Variants in CALB1 observed in about 807,000 individuals in gnomAD.
CALB1 encodes the protein calbindin 1.
In CALB1, 16 loss-of-function variants were observed where a neutral mutation model predicts 46.7. That is an observed-to-expected ratio of 0.34 (90% confidence interval 0.23 to 0.52). CALB1 has a LOEUF of 0.52. Among genes scored for constraint, CALB1 ranks in the 20% least tolerant of loss-of-function variants. CALB1 has a pLI of 0.95. For missense variants in CALB1, 224 were observed against 300.3 expected, an observed-to-expected ratio of 0.75 and a Z score of 1.88; for synonymous variants, 90 against 112.8, an observed-to-expected ratio of 0.80 and a Z score of 1.28.
Position 90,063,336 on chromosome 8 carries a change from CATT to C in CALB1, c.507-19_507-17del. The C allele has an allele frequency of 6.3e-7, 1 of 1,585,744 alleles. No homozygotes were observed. On this transcript the variant is annotated splice_polypyrimidine_tract_variant and intron_variant, in intron 7 of 10. Transcript: ENST00000265431. ...TGGTAGTAACCTTTTGAGAGAAAAACATTATATTAATATATTACATTTTTTGAA... is the reference window on the plus strand; with the variant it reads ...TGGTAGTAACCTTTTGAGAGAAAAACATATTAATATATTACATTTTTTGAA...
intron 3 of CALB1, among the ~76,000 whole-genome samples, chr8:90,073,458 C>T (rs193018296): frequency 1.3e-5 from 2 of 152,314 alleles, no homozygotes; most frequent in East Asian, 1.9e-4. Context: ...ATCCCAGCTT[C>T]AGAACTCACT....
At chr8:90,068,752 G>C (rs1267229755) in intron 5 of CALB1, among the ~76,000 whole-genome samples, 1 of 152,018 alleles carries the variant, frequency 6.6e-6, no homozygotes, top group Non-Finnish European at 1.5e-5. Context: ...CTATCTGTCT[G>C]TCTGTCTTAT....
At chr8:90,080,171 C>T (rs950720235) in intron 2 of CALB1, among the ~76,000 whole-genome samples, 1 of 151,852 alleles carries the variant, frequency 6.6e-6, no homozygotes, top group South Asian at 2.1e-4. Flanking sequence ...AATCCTATAA[C>T]TATGCTTGTT....
At chr8:90,068,122 T>C (rs1183964625) in intron 5 of CALB1, among the ~76,000 whole-genome samples, 3 of 152,148 alleles carry the variant, frequency 2.0e-5, no homozygotes, top group African/African-American at 7.2e-5. Context: ...GGCTAGTAAA[T>C]TGAGTTCATG....
At chr8:90,074,888 T>A (rs1277505199) in intron 3 of CALB1, among the ~76,000 whole-genome samples, 2 of 152,222 alleles carry the variant, frequency 1.3e-5, no homozygotes, top group Non-Finnish European at 2.9e-5. Context: ...CTATATTTCA[T>A]GTGAACACCA....
intron 5 of CALB1, among the ~76,000 whole-genome samples, chr8:90,067,781 C>T (rs1310887054): frequency 6.6e-6 from 1 of 152,112 alleles, no homozygotes; most frequent in Non-Finnish European, 1.5e-5. Context: ...GGGAATCATT[C>T]TTAGCATTAT....
At chr8:90,062,918 C>G in intron 9 of CALB1, 182 bp downstream of exon 9, 1 of 498,268 alleles carries the variant, frequency 2.0e-6, no homozygotes, top group South Asian at 2.9e-5. Context: ...GGAGAAATGA[C>G]GAGTTACTCA....
chr8:90,069,326 G>A (rs998789800), intron 3 of CALB1, 89 bp from the exon 4 acceptor site: 7 of 959,862 alleles, frequency 7.3e-6, no homozygotes, highest in Admixed American at 5.7e-5. Flanking sequence ...TTTCTTCAAC[G>A]TGTTCCCTCA....
intron 6 of CALB1, 120 bp from the exon 7 acceptor site, chr8:90,063,581 T>C (rs1563674355): frequency 4.0e-6 from 3 of 757,266 alleles, no homozygotes; most frequent in Non-Finnish European, 4.3e-6. Context: ...AGTAAAATTT[T>C]AAAAACTAGC....
intron 9 of CALB1, chr8:90,062,475 C>T (rs1305514220): frequency 6.6e-6 from 1 of 151,892 alleles, no homozygotes; most frequent in Non-Finnish European, 1.5e-5. Context: ...ATAAAGAACT[C>T]CTGTAACTCA....
intron 1 of CALB1, 21 bp from the exon 2 acceptor site, chr8:90,082,123 C>G: frequency 6.2e-7 from 1 of 1,601,940 alleles, no homozygotes; most frequent in Non-Finnish European, 8.5e-7. Flanking sequence ...AAAGAGGCAC[C>G]CAGGTGTCAG....
intron 3 of CALB1, among the ~76,000 whole-genome samples, chr8:90,073,473 G>A (rs1005996816): frequency 1.3e-5 from 2 of 152,086 alleles, no homozygotes; most frequent in Admixed American, 1.3e-4. Context: ...CTCACTGTAG[G>A]GTCAGCTGAT....
At chr8:90,063,828 C>T in intron 6 of CALB1, 2 of 175,720 alleles carry the variant, frequency 1.1e-5, no homozygotes, top group South Asian at 3.0e-4. Flanking sequence ...TTTATTTCAC[C>T]CTTTTAGAGC....
intron 1 of CALB1, 80 bp from the exon 2 acceptor site, chr8:90,082,182 T>C: frequency 1.6e-6 from 2 of 1,284,728 alleles, no homozygotes; most frequent in Non-Finnish European, 2.2e-6. Flanking sequence ...GACAGTTATC[T>C]TTCTGGCGAC....
At chr8:90,075,655 C>G (rs1814610571) in intron 3 of CALB1, among the ~76,000 whole-genome samples, 1 of 152,094 alleles carries the variant, frequency 6.6e-6, no homozygotes, top group Admixed American at 6.6e-5. Flanking sequence ...ACATTTCCTA[C>G]TCTCCCTTTC....
intron 5 of CALB1, among the ~76,000 whole-genome samples, chr8:90,066,947 G>A (rs1814411714): frequency 6.6e-6 from 1 of 151,982 alleles, no homozygotes; most frequent in Non-Finnish European, 1.5e-5. Flanking sequence ...AAATGTTCCA[G>A]TTCTGGGCTG....
At chr8:90,066,102 G>T in intron 5 of CALB1, 127 bp from the exon 6 acceptor site, 1 of 649,496 alleles carries the variant, frequency 1.5e-6, no homozygotes, top group Non-Finnish European at 2.7e-6. Context: ...GTAGAAGCAG[G>T]TGAGTAGAGG....
intron 2 of CALB1, among the ~76,000 whole-genome samples, chr8:90,080,163 T>C (rs1386709627): frequency 6.6e-6 from 1 of 151,974 alleles, no homozygotes; most frequent in African/African-American, 2.4e-5. Flanking sequence ...CTTGATATAA[T>C]CCTATAACTA....
At chr8:90,073,375 C>T (rs910605289) in intron 3 of CALB1, among the ~76,000 whole-genome samples, 5 of 152,028 alleles carry the variant, frequency 3.3e-5, no homozygotes, top group Admixed American at 3.3e-4. Context: ...GAGGTGGCAT[C>T]CTATGACTGA....
Sources: allele counts gnomAD v4.1 joint callset (sites outside exome capture counted in the v4.1 genomes callset), GRCh38; gene constraint gnomAD v4.1.1; transcripts MANE v1.5; gene names NCBI Gene and HGNC (gene_info 2026-07-23, HGNC 2026-07-21).